The following NTM variants were observed in gnomAD, a reference collection of about 807,000 sequenced individuals.
NTM encodes the protein IgLON family member 2.
Under a neutral mutation model 42.1 loss-of-function variants are expected in NTM, and 13 were observed. The observed-to-expected ratio is 0.31, with a 90% confidence interval of 0.20 to 0.49. The LOEUF is 0.49. NTM is among the 20% of genes least tolerant of loss of function. The pLI, the probability that NTM is intolerant of heterozygous loss-of-function variation, is 0.99. For synonymous variants in NTM, 187 were observed against 179.2 expected, an observed-to-expected ratio of 1.04 and a Z score of -0.35; for missense variants, 373 against 452.8, an observed-to-expected ratio of 0.82 and a Z score of 1.60.
intron 4 of NTM, among the ~76,000 whole-genome samples, chr11:132,304,875 G>A (rs1010123727): frequency 6.6e-6 from 1 of 152,198 alleles, no homozygotes; most frequent in African/African-American, 2.4e-5. Context: ...ACATAGGAAA[G>A]TAGGATTAAG....
rs1471636501 is a variant in NTM, at chr11:131,633,635, GCCTCTCTCTC to G, written c.82+262776_82+262785del. On this transcript the variant is annotated intron_variant, in intron 1 of 8. Coordinates refer to ENST00000683400, the MANE Select transcript of NTM (RefSeq NM_001352005.2). ...TCACTCTCTCCCTCTCTCTATCTCT[GCCTCTCTCTC>G]CCTCTCTCTCCCTCTCTCTCCCTCT... is the stretch of plus-strand genomic sequence containing the variant. Among the ~76,000 whole-genome samples, 32 of 22,880 alleles carry G rather than the reference GCCTCTCTCTC, an allele frequency of 1.4e-3. 1 individual carries two copies. The highest frequency in any genetic ancestry group is 3.4e-3 in the African/African-American group (21 of 6,232). The allele number at this position is 22,880 out of a possible 152,430, so 15.0% of individuals were successfully genotyped here.
At chr11:131,858,691 C>A (rs375408034) in intron 1 of NTM, among the ~76,000 whole-genome samples, 22 of 152,208 alleles carry the variant, frequency 1.4e-4, no homozygotes, top group East Asian at 3.9e-4. Context: ...AGCAGCTCTG[C>A]AGCACGTTGA....
intron 2 of NTM, among the ~76,000 whole-genome samples, chr11:131,962,303 C>A (rs2062282769): frequency 6.6e-6 from 1 of 152,180 alleles, no homozygotes; most frequent in African/African-American, 2.4e-5. Context: ...AAGGCACAAC[C>A]AAACACATTT....
chr11:131,403,107 C>T (rs1374779514), intron 1 of NTM, among the ~76,000 whole-genome samples: 1 of 152,162 alleles, frequency 6.6e-6, no homozygotes, highest in African/African-American at 2.4e-5. Context: ...GATTTTTAGG[C>T]CTCCTGAATT....
intron 4 of NTM, among the ~76,000 whole-genome samples, chr11:132,256,797 C>T (rs1306753968): frequency 2.0e-5 from 3 of 152,180 alleles, no homozygotes; most frequent in Admixed American, 2.0e-4. Context: ...ACATATGGCC[C>T]CAGCGATTCC....
At chr11:131,865,120 C>A (rs1306819273) in intron 1 of NTM, among the ~76,000 whole-genome samples, 2 of 152,208 alleles carry the variant, frequency 1.3e-5, no homozygotes, top group African/African-American at 4.8e-5. Context: ...TACCCTGAGA[C>A]AATGTACAAG....
chr11:132,208,716 A>T (rs190962075), intron 3 of NTM, among the ~76,000 whole-genome samples: 251 of 152,324 alleles, frequency 1.6e-3, no homozygotes, highest in Non-Finnish European at 2.5e-3. Flanking sequence ...CCAAAGCAAG[A>T]GTAATTCATT....
intron 1 of NTM, among the ~76,000 whole-genome samples, chr11:131,754,937 G>A (rs921301388): frequency 1.1e-4 from 17 of 152,206 alleles, no homozygotes; most frequent in Admixed American, 4.6e-4. Context: ...ATCCAGAAGA[G>A]TACAGATGGC....
At chr11:131,658,403 C>G (rs1054652232) in intron 1 of NTM, among the ~76,000 whole-genome samples, 1 of 152,168 alleles carries the variant, frequency 6.6e-6, no homozygotes, top group Non-Finnish European at 1.5e-5. Flanking sequence ...CCCCTTTTCC[C>G]ACTGCCCCAG....
intron 1 of NTM, among the ~76,000 whole-genome samples, chr11:131,896,833 C>T (rs1430951825): frequency 6.6e-6 from 1 of 151,874 alleles, no homozygotes; most frequent in East Asian, 1.9e-4. Context: ...GGACTACAGG[C>T]GCCCGCCACC....
chr11:131,710,272 TATCTA>T (rs1170461616), intron 1 of NTM, among the ~76,000 whole-genome samples: 2 of 152,208 alleles, frequency 1.3e-5, no homozygotes, highest in Non-Finnish European at 2.9e-5. Flanking sequence ...CAATTTCTCT[TATCTA>T]TTTTTCAAAA....
chr11:131,853,787 T>G (rs549268824), intron 1 of NTM, among the ~76,000 whole-genome samples: 22 of 152,170 alleles, frequency 1.4e-4, no homozygotes, highest in Non-Finnish European at 2.9e-4. Context: ...CAAGTGATAT[T>G]TCTGCCTCTA....
At chr11:132,322,157 G>T (rs1359774582) in intron 7 of NTM, among the ~76,000 whole-genome samples, 1 of 151,502 alleles carries the variant, frequency 6.6e-6, no homozygotes, top group Admixed American at 6.6e-5. Flanking sequence ...CATAATGACA[G>T]GATCAAATTC....
intron 1 of NTM, among the ~76,000 whole-genome samples, chr11:131,500,811 A>G (rs1169966338): frequency 7.6e-6 from 1 of 130,998 alleles, no homozygotes; most frequent in East Asian, 2.3e-4. Context: ...TTCAATTCCC[A>G]CCTATGAGTG....
intron 1 of NTM, among the ~76,000 whole-genome samples, chr11:131,490,868 A>G (rs1468829634): frequency 6.6e-6 from 1 of 152,212 alleles, no homozygotes; most frequent in African/African-American, 2.4e-5. Context: ...TTTGCATTTA[A>G]TCAAATGTAC....
chr11:131,524,419 C>A (rs1317039906), intron 1 of NTM, among the ~76,000 whole-genome samples: 1 of 152,216 alleles, frequency 6.6e-6, no homozygotes, highest in African/African-American at 2.4e-5. Context: ...GCACCAAGCC[C>A]AGCCCAGACT....
intron 4 of NTM, among the ~76,000 whole-genome samples, chr11:132,266,004 G>T (rs1473946845): frequency 1.3e-5 from 2 of 152,130 alleles, no homozygotes; most frequent in African/African-American, 2.4e-5. Flanking sequence ...AACACAGGGT[G>T]CTGTTCTAGG....
chr11:132,191,336 A>T (rs1402218462), intron 3 of NTM, among the ~76,000 whole-genome samples: 1 of 152,120 alleles, frequency 6.6e-6, no homozygotes, highest in African/African-American at 2.4e-5. Flanking sequence ...CCAGTGCTCA[A>T]CCTCAAGGAG....
Position 131,851,761 on chromosome 11 carries a change from G to A in NTM, c.83-59803G>A, listed in dbSNP as rs534259053. ...GCTTGAGGGTAGGAACCATAAATTAGCAATTAAAAATAACTGCCAAATGAT... is the reference window on the plus strand; with the variant it reads ...GCTTGAGGGTAGGAACCATAAATTAACAATTAAAAATAACTGCCAAATGAT... On this transcript the variant is annotated intron_variant, in intron 1 of 8. Coordinates refer to ENST00000683400, the MANE Select transcript of NTM (RefSeq NM_001352005.2). 4.9e-4 allele frequency among the ~76,000 whole-genome samples: 75 copies of A among 152,016 alleles called. 1 individual carries two copies. The highest frequency in any genetic ancestry group is 1.7e-3 in the African/African-American group (71 of 41,428).
Sources: allele counts gnomAD v4.1 joint callset (sites outside exome capture counted in the v4.1 genomes callset), GRCh38; gene constraint gnomAD v4.1.1; transcripts MANE v1.5; gene names NCBI Gene and HGNC (gene_info 2026-07-23, HGNC 2026-07-21).